LRRK2: variants seen among roughly 807,000 people sequenced by gnomAD.
The protein encoded by LRRK2 is leucine-rich repeat serine/threonine-protein kinase 2.
In LRRK2, 203 loss-of-function variants were observed where a neutral mutation model predicts 302.6. That is an observed-to-expected ratio of 0.67 (90% CI 0.60 to 0.75). The LOEUF is 0.75. LRRK2 is among the 30% of genes least tolerant of loss of function. The probability of loss-of-function intolerance (pLI) is 0.00; values close to 1 mark genes in which losing one functional copy is unlikely to be tolerated. For synonymous variants in LRRK2, 1,066 were observed against 1,031.9 expected (o/e 1.03, Z -0.63); for missense variants, 2,830 against 2,951.0 (o/e 0.96, Z 0.95).
intron 18 of LRRK2, among the ~76,000 whole-genome samples, chr12:40,280,953 A>G (rs2136641002): frequency 6.6e-6 from 1 of 152,008 alleles, no homozygotes; most frequent in South Asian, 2.1e-4. Context: ...CTGTAGTCCC[A>G]GCTACTTGGG....
rs1221517886 is a variant in LRRK2, at chr12:40,257,315, T to G, written c.1356T>G (p.His452Gln). The change falls in exon 12 of 51, where the codon CAT becomes CAG. Residue 452 changes from histidine to glutamine, a missense_variant. By Grantham distance (24) the His-to-Gln change is conservative. Coordinates refer to ENST00000298910, the MANE Select transcript of LRRK2 (RefSeq NM_198578.4). ...HLNVLELMQKHIHSPEVAESG... is the reference protein window; with the variant it reads ...HLNVLELMQKQIHSPEVAESG... Reference sequence around the variant, plus strand: ...ATGTTTTGGAGTTAATGCAGAAGCATATACATTCTCCTGAAGTGGCTGAAA... The same window carrying G: ...ATGTTTTGGAGTTAATGCAGAAGCAGATACATTCTCCTGAAGTGGCTGAAA... 6.2e-7 allele frequency: 1 copy of G among 1,611,262 alleles called. No homozygotes were observed. The highest frequency in any genetic ancestry group is 8.5e-7 in the Non-Finnish European group (1 of 1,177,690).
intron 7 of LRRK2, among the ~76,000 whole-genome samples, chr12:40,249,410 A>G (rs184063665): frequency 6.6e-6 from 1 of 152,210 alleles, no homozygotes; most frequent in Non-Finnish European, 1.5e-5. Flanking sequence ...TTTAAGTGAA[A>G]GAAGAGTGTT....
In LRRK2 at chr12:40,231,720, T is replaced by A. The variant is rs191902499; in HGVS notation, c.238-554T>A. Among the ~76,000 whole-genome samples, 681 of 147,936 alleles carry A rather than the reference T, an allele frequency of 4.6e-3. 2 individuals carry two copies. The highest frequency in any genetic ancestry group is 0.018 in the Middle Eastern group (5 of 278). On this transcript the variant is annotated intron_variant, in intron 2 of 50. Coordinates refer to ENST00000298910, the MANE Select transcript of LRRK2 (RefSeq NM_198578.4). ...TATTTAGACAATTGGCATGTCTATGTTCTTCATAATTTAGAAATTATATGT... is the reference window on the plus strand; with the variant it reads ...TATTTAGACAATTGGCATGTCTATGATCTTCATAATTTAGAAATTATATGT...
At chr12:40,256,750 C>G (rs1942530925) in intron 11 of LRRK2, among the ~76,000 whole-genome samples, 3 of 152,196 alleles carry the variant, frequency 2.0e-5, no homozygotes, top group Admixed American at 2.0e-4. Flanking sequence ...CCCCACACTC[C>G]CAAAAAGCTG....
intron 6 of LRRK2, among the ~76,000 whole-genome samples, chr12:40,242,767 C>T (rs1327779843): frequency 7.5e-6 from 1 of 133,624 alleles, no homozygotes; most frequent in Non-Finnish European, 1.6e-5. Context: ...GTTTACAGTC[C>T]CACCAACAGT....
intron 43 of LRRK2, among the ~76,000 whole-genome samples, chr12:40,349,305 A>G (rs1946285282): frequency 2.0e-5 from 3 of 152,150 alleles, no homozygotes. Flanking sequence ...TAATTCCTGT[A>G]GCTTTATAAT....
chr12:40,275,140 A>C (rs2136608266), intron 16 of LRRK2, 147 bp downstream of exon 16: 1 of 894,408 alleles, frequency 1.1e-6, no homozygotes, highest in South Asian at 1.4e-5. Flanking sequence ...TATACAAGCA[A>C]AGAAAATTGG....
intron 47 of LRRK2, among the ~76,000 whole-genome samples, chr12:40,362,858 A>G (rs1565782695): frequency 6.6e-6 from 1 of 152,058 alleles, no homozygotes; most frequent in Admixed American, 6.6e-5. Flanking sequence ...CTTTCTGTTT[A>G]TGTTTGGATG....
chr12:40,323,127 T>C (rs774613769), intron 37 of LRRK2, 33 bp from the exon 38 acceptor site: 2 of 1,593,172 alleles, frequency 1.3e-6, no homozygotes, highest in East Asian at 2.2e-5. Flanking sequence ...TTAAATGTTG[T>C]TTTTATTTAA....
chr12:40,365,917 G>A (rs935316548), intron 49 of LRRK2: 2 of 151,918 alleles, frequency 1.3e-5, no homozygotes, highest in Admixed American at 6.6e-5. Context: ...CACACAAGCA[G>A]AGCAGTAGGT....
At position 40,328,438 on chromosome 12, in the gene LRRK2, C is replaced by T. The variant is rs1167053324; in HGVS notation, c.5735C>T (p.Thr1912Ile). The T allele has an allele frequency of 6.2e-7, 1 of 1,612,136 alleles. No homozygotes were observed. The highest frequency in any genetic ancestry group is 1.3e-5 in the African/African-American group (1 of 74,874). Residue 1912 changes from threonine (T) to isoleucine (I), a missense_variant, in exon 39 of 51, where the codon ACA (threonine) becomes ATA (isoleucine). By Grantham distance (89) the Thr-to-Ile change is moderately conservative (BLOSUM62 -1). Around this residue, in one of 3 missense-constraint regions of LRRK2, gnomAD observed 253 missense variants for 346.7 expected, o/e 0.73. Coordinates refer to ENST00000298910, the MANE Select transcript of LRRK2 (RefSeq NM_198578.4). Reference protein sequence around the residue: ...EVAVKIFNKHTSLRLLRQELV... With the variant: ...EVAVKIFNKHISLRLLRQELV... ...GCTGTGAAGATTTTTAATAAACATA[C>T]ATCACTCAGGCTGTTAAGACAAGTA...
chr12:40,303,821 C>T, intron 26 of LRRK2, 127 bp from the exon 27 acceptor site: 2 of 869,404 alleles, frequency 2.3e-6, no homozygotes, highest in Non-Finnish European at 3.7e-6. Context: ...CATGCATACT[C>T]ATATGTCAAT....
rs763587369 is a variant in LRRK2 at position 40,354,409 on chromosome 12, C to G, written c.6687C>G (p.Thr2229=). Residue 2229 remains threonine, a synonymous_variant, in exon 45 of 51, where the codon ACC becomes ACG. Coordinates refer to ENST00000298910, the MANE Select transcript of LRRK2 (RefSeq NM_198578.4). ...CTGGTACTCTCCTGGTCATCAATAC[C>G]GAAGATGGGAAAAAGAGACATACCC... ...TQSGTLLVIN[T]EDGKKRHTLE... 1.2e-6 allele frequency: 2 copies of G among 1,613,920 alleles called. No homozygotes were observed. Among genetic ancestry groups the G allele is most frequent in the South Asian group, 2.2e-5 (2 of 91,078 alleles).
intron 38 of LRRK2, among the ~76,000 whole-genome samples, chr12:40,326,476 AG>A (rs372409313): frequency 3.5e-5 from 5 of 140,882 alleles, no homozygotes; most frequent in Admixed American, 7.6e-5. Context: ...AAAAAAAAAA[AG>A]AAAAAAAAAA....
intron 39 of LRRK2, 77 bp from the exon 40 acceptor site, chr12:40,334,890 T>C: frequency 1.4e-6 from 2 of 1,472,520 alleles, no homozygotes; most frequent in African/African-American, 1.4e-5. Context: ...TTCAGCCTGT[T>C]GATGCACTTT....
chr12:40,275,156 A>T (rs1943395985), intron 16 of LRRK2, among the ~76,000 whole-genome samples, 163 bp downstream of exon 16: 1 of 152,208 alleles, frequency 6.6e-6, no homozygotes, highest in Non-Finnish European at 1.5e-5. Flanking sequence ...ATTGGATTGA[A>T]TCTCTAAAGA....
chr12:40,350,498 C>T (rs1330178755), intron 43 of LRRK2, among the ~76,000 whole-genome samples: 1 of 152,096 alleles, frequency 6.6e-6, no homozygotes. Flanking sequence ...TAACCTTGTC[C>T]ACCATATTAT....
At chr12:40,228,433 C>CGTT (rs1941009196) in intron 2 of LRRK2, among the ~76,000 whole-genome samples, 1 of 19,316 alleles carries the variant, frequency 5.2e-5, no homozygotes, top group Non-Finnish European at 9.1e-5. Flanking sequence ...AAAAATAAGA[C>CGTT]TTTTTTTTTT....
Position 40,322,137 on chromosome 12 carries a change from A to T in LRRK2, c.5273A>T (p.His1758Leu). The T allele has an allele frequency of 1.2e-6, 2 of 1,612,980 alleles. No homozygotes were observed. Among genetic ancestry groups the T allele is most frequent in the South Asian group, 2.2e-5 (2 of 90,940 alleles). Residue 1758 changes from histidine to leucine, a missense_variant, in exon 36 of 51, where the codon CAT becomes CTT. By Grantham distance (99) the His-to-Leu change is moderately conservative. Coordinates refer to ENST00000298910, the MANE Select transcript of LRRK2 (RefSeq NM_198578.4). ...CLVGSEVLDN[H>L]PESFLKITVP... The stretch of plus-strand genomic sequence containing the variant: ...GTAGGATCTGAAGTCTTAGACAATC[A>T]TCCAGAGAGTTTCTTAAAAATTACA...
Sources: allele counts gnomAD v4.1 joint callset (sites outside exome capture counted in the v4.1 genomes callset), GRCh38; gene constraint gnomAD v4.1.1; regional missense constraint gnomAD v4.1.1; transcripts MANE v1.5; gene names NCBI Gene and HGNC (gene_info 2026-07-23, HGNC 2026-07-21).